EXT1: variants seen among roughly 807,000 people sequenced by gnomAD.
EXT1 encodes exostosin glycosyltransferase 1.
EXT1 carries 20 observed loss-of-function variants against 82.5 expected under a neutral mutation model. The ratio of observed to expected loss-of-function variants is 0.24; its 90% CI spans 0.17 to 0.35. The LOEUF (loss-of-function observed/expected upper bound fraction) is 0.35. Ranked by LOEUF, EXT1 falls within the 10% of genes least tolerant of loss-of-function variation. The probability of loss-of-function intolerance (pLI) is 1.00; values close to 1 mark genes in which losing one functional copy is unlikely to be tolerated. For synonymous variants in EXT1, 348 were observed against 350.8 expected (o/e 0.99, Z 0.09); for missense variants, 757 against 936.5 (o/e 0.81, Z 2.50).
intron 1 of EXT1, among the ~76,000 whole-genome samples, chr8:118,012,319 G>C (rs189303365): frequency 1.6e-3 from 250 of 152,344 alleles, no homozygotes; most frequent in African/African-American, 5.7e-3. Flanking sequence ...ACGGGGCTAA[G>C]GCCTAATTCC....
chr8:117,891,660 G>A (rs533240907), intron 1 of EXT1, among the ~76,000 whole-genome samples: 1 of 152,240 alleles, frequency 6.6e-6, no homozygotes, highest in East Asian at 1.9e-4. Context: ...TGCAGGGGCA[G>A]CACCACTTGT....
chr8:117,998,336 G>A (rs967680490), intron 1 of EXT1, among the ~76,000 whole-genome samples: 2 of 151,808 alleles, frequency 1.3e-5, no homozygotes, highest in African/African-American at 4.8e-5. Context: ...AAAAGACAAG[G>A]TCTTACTCTG....
intron 1 of EXT1, among the ~76,000 whole-genome samples, chr8:118,053,830 A>G (rs1317792030): frequency 1.3e-5 from 2 of 152,196 alleles, no homozygotes; most frequent in Non-Finnish European, 2.9e-5. Context: ...CTATAATTAG[A>G]GCAGTTCATT....
chr8:117,844,504 C>T (rs949717995), intron 1 of EXT1, among the ~76,000 whole-genome samples: 8 of 151,980 alleles, frequency 5.3e-5, no homozygotes, highest in East Asian at 3.9e-4. Flanking sequence ...TGCAGTCGTA[C>T]GGAATTGCCC....
At chr8:118,036,708 T>TA (rs962568554) in intron 1 of EXT1, among the ~76,000 whole-genome samples, 13 of 152,152 alleles carry the variant, frequency 8.5e-5, no homozygotes, top group African/African-American at 3.1e-4. Flanking sequence ...GGGTCCATGA[T>TA]AGAGTAGAAA....
intron 1 of EXT1, among the ~76,000 whole-genome samples, chr8:117,916,421 A>C (rs1391321583): frequency 6.6e-6 from 1 of 152,156 alleles, no homozygotes; most frequent in African/African-American, 2.4e-5. Flanking sequence ...TTATCCAGAA[A>C]ACCCAGCAAG....
chr8:117,969,193 T>G (rs892897584), intron 1 of EXT1, among the ~76,000 whole-genome samples: 1 of 152,188 alleles, frequency 6.6e-6, no homozygotes, highest in Admixed American at 6.5e-5. Context: ...TGTGAACAAC[T>G]GAGATTTGGT....
At chr8:117,990,496 G>A (rs1014649186) in intron 1 of EXT1, among the ~76,000 whole-genome samples, 1 of 152,148 alleles carries the variant, frequency 6.6e-6, no homozygotes, top group African/African-American at 2.4e-5. Context: ...ATATTCACCT[G>A]AACCTATGCC....
rs35834568 is a variant in EXT1 at position 117,819,576 on chromosome 8, CGGGGAGCCT to C, written c.1536+91_1536+99del. 67,638 of 965,084 alleles carry C rather than the reference CGGGGAGCCT, an allele frequency of 0.07. 2,848 individuals are homozygous for C. The highest frequency in any genetic ancestry group is 0.17 in the African/African-American group (10,536 of 62,946). 59.8% of individuals were successfully genotyped at this position (965,084 alleles called of 1,614,324 possible). ...GCAGGGTATGATGTTAGAGAAGTCC[CGGGGAGCCT>C]GGGGAGCCCGGGGGATAACAGGTAA... On this transcript the variant is annotated intron_variant, in intron 6 of 10. Coordinates refer to ENST00000378204, the MANE Select transcript of EXT1 (RefSeq NM_000127.3).
At chr8:118,103,036 C>T (rs187727610) in intron 1 of EXT1, among the ~76,000 whole-genome samples, 314 of 152,250 alleles carry the variant, frequency 2.1e-3, no homozygotes, top group Middle Eastern at 6.8e-3. Context: ...GCCTGTAATC[C>T]CAGCTACTCG....
chr8:117,931,459 G>C (rs891936651), intron 1 of EXT1, among the ~76,000 whole-genome samples: 38 of 151,710 alleles, frequency 2.5e-4, no homozygotes, highest in African/African-American at 7.8e-4. Flanking sequence ...TGTGTGGGGC[G>C]GGGGTGTGGG....
intron 2 of EXT1, 98 bp from the exon 3 acceptor site, chr8:117,835,649 T>C: frequency 4.5e-6 from 4 of 884,914 alleles, no homozygotes; most frequent in African/African-American, 1.6e-5. Context: ...ACTGGCATTT[T>C]TGACACTGCA....
At chr8:118,072,371 G>A (rs369260504) in intron 1 of EXT1, among the ~76,000 whole-genome samples, 1 of 152,314 alleles carries the variant, frequency 6.6e-6, no homozygotes, top group South Asian at 2.1e-4. Context: ...AATGTTGTGA[G>A]AGCCATTTTC....
intron 1 of EXT1, among the ~76,000 whole-genome samples, chr8:118,075,076 A>AT (rs1371108453): frequency 1.3e-5 from 2 of 152,120 alleles, no homozygotes; most frequent in Admixed American, 6.5e-5. Context: ...TCCTCCTACA[A>AT]TTTTTTGTCT....
At chr8:118,011,342 G>A (rs1426295689) in intron 1 of EXT1, among the ~76,000 whole-genome samples, 2 of 152,208 alleles carry the variant, frequency 1.3e-5, no homozygotes, top group Non-Finnish European at 2.9e-5. Flanking sequence ...AGCCTGGAAC[G>A]TAGTAGGCAC....
intron 1 of EXT1, among the ~76,000 whole-genome samples, chr8:117,934,851 C>T (rs1363438570): frequency 6.6e-6 from 1 of 152,182 alleles, no homozygotes; most frequent in East Asian, 1.9e-4. Context: ...TATGCAGAAA[C>T]TCAGGATAGA....
At chr8:117,998,751 G>T (rs17431215) in intron 1 of EXT1, among the ~76,000 whole-genome samples, 2 of 152,150 alleles carry the variant, frequency 1.3e-5, no homozygotes, top group Non-Finnish European at 2.9e-5. Flanking sequence ...ACTTGTTACC[G>T]AGGGCTAACT....
chr8:117,806,882 C>T (rs776062819), intron 9 of EXT1, among the ~76,000 whole-genome samples: 1 of 152,144 alleles, frequency 6.6e-6, no homozygotes, highest in Non-Finnish European at 1.5e-5. Flanking sequence ...GTGATGAATC[C>T]CAAGCACCTA....
At position 118,007,211 on chromosome 8, in the gene EXT1, G is replaced by A. The variant is rs186673575; in HGVS notation, c.962+102874C>T. Among the ~76,000 whole-genome samples, 301 of 152,158 alleles carry A rather than the reference G, an allele frequency of 2.0e-3. 1 individual carries two copies. Among genetic ancestry groups the A allele is most frequent in the African/African-American group, 6.8e-3 (283 of 41,522 alleles). On this transcript the variant is annotated intron_variant, in intron 1 of 10. Transcript: ENST00000378204. Reference sequence around the variant, plus strand: ...ACTCGGGAGGCTGAGGCAGGAGAACGGCGTGAACCCAGGAGGCGGAGCTTG... The same window carrying A: ...ACTCGGGAGGCTGAGGCAGGAGAACAGCGTGAACCCAGGAGGCGGAGCTTG...
Sources: gnomAD v4.1 joint callset for allele counts (sites outside exome capture counted in the v4.1 genomes callset) on GRCh38, gnomAD v4.1.1 for gene constraint, MANE v1.5 for transcripts, NCBI Gene and HGNC (gene_info 2026-07-23, HGNC 2026-07-21) for gene names.